The following CTNNBL1 variants were observed in gnomAD, a reference collection of about 807,000 sequenced individuals.
CTNNBL1 encodes the protein catenin beta like 1.
CTNNBL1 carries 31 observed loss-of-function variants against 72.7 expected under a neutral mutation model. The ratio of observed to expected loss-of-function variants is 0.43; its 90% confidence interval spans 0.32 to 0.58. The LOEUF (loss-of-function observed/expected upper bound fraction) is 0.58, where lower values mean the gene tolerates loss of function less well. Among genes scored for constraint, CTNNBL1 ranks in the 20% least tolerant of loss-of-function variants. CTNNBL1 has a pLI of 0.08. For synonymous variants in CTNNBL1, 240 were observed against 267.3 expected (o/e 0.90, Z 1.00); for missense variants, 534 against 725.1 (o/e 0.74, Z 3.03).
chr20:37,700,837 T>C lies in CTNNBL1; in HGVS notation c.30+6685T>C, dbSNP rs148805659. On this transcript the variant is annotated intron_variant, in intron 1 of 15. Transcript: ENST00000361383. Reference sequence around the variant, plus strand: ...ATTCTTTTTGAGGCAAATTTGAGGCTAAGGGACCCTTGGTTTTGGTGATAT... The same window carrying C: ...ATTCTTTTTGAGGCAAATTTGAGGCCAAGGGACCCTTGGTTTTGGTGATAT... 4.5e-3 allele frequency among the ~76,000 whole-genome samples: 691 copies of C among 152,336 alleles called. 9 individuals are homozygous for C. The highest frequency in any genetic ancestry group is 0.017 in the East Asian group (88 of 5,188).
At chr20:37,870,411 A>G (rs1296537057) in intron 15 of CTNNBL1, among the ~76,000 whole-genome samples, 1 of 151,552 alleles carries the variant, frequency 6.6e-6, no homozygotes, top group Non-Finnish European at 1.5e-5. Flanking sequence ...TGGCACCAGC[A>G]CCTGTGCCCC....
chr20:37,829,865 C>T (rs1165664925), intron 11 of CTNNBL1, among the ~76,000 whole-genome samples: 1 of 152,114 alleles, frequency 6.6e-6, no homozygotes, highest in East Asian at 1.9e-4. Flanking sequence ...AGGGTCTTGC[C>T]CTGTCACCCA....
chr20:37,731,161 T>C (rs759273232), intron 1 of CTNNBL1, among the ~76,000 whole-genome samples: 11 of 152,206 alleles, frequency 7.2e-5, no homozygotes, highest in Non-Finnish European at 1.3e-4. Flanking sequence ...TTTTTAAATG[T>C]ACAGTTCATT....
At chr20:37,805,757 T>C (rs927949679) in intron 11 of CTNNBL1, among the ~76,000 whole-genome samples, 4 of 152,176 alleles carry the variant, frequency 2.6e-5, no homozygotes, top group Non-Finnish European at 5.9e-5. Flanking sequence ...TAGACTAGGA[T>C]AGAATCTTCT....
intron 10 of CTNNBL1, among the ~76,000 whole-genome samples, chr20:37,800,105 C>T (rs560958995): frequency 1.3e-5 from 2 of 152,284 alleles, no homozygotes; most frequent in South Asian, 2.1e-4. Context: ...AAAGACTGTC[C>T]AAAGGGGATA....
chr20:37,718,003 ACTT>A (rs1412513763), intron 1 of CTNNBL1, among the ~76,000 whole-genome samples: 4 of 148,078 alleles, frequency 2.7e-5, no homozygotes, highest in Non-Finnish European at 6.0e-5. Flanking sequence ...TCCCATGTCT[ACTT>A]CTTTCTACAC....
At chr20:37,798,743 G>A (rs1003994298) in intron 10 of CTNNBL1, among the ~76,000 whole-genome samples, 1 of 152,148 alleles carries the variant, frequency 6.6e-6, no homozygotes, top group African/African-American at 2.4e-5. Context: ...AGAGTCTTTT[G>A]AATTGTATTT....
intron 10 of CTNNBL1, among the ~76,000 whole-genome samples, chr20:37,791,065 T>A (rs1241652729): frequency 6.6e-6 from 1 of 152,224 alleles, no homozygotes. Context: ...TATTTTGAGA[T>A]TCGTCCATGT....
intron 3 of CTNNBL1, among the ~76,000 whole-genome samples, chr20:37,745,323 T>A (rs1157687957): frequency 1.3e-5 from 2 of 152,138 alleles, no homozygotes; most frequent in African/African-American, 4.8e-5. Flanking sequence ...GTGTTCCTTT[T>A]CTTTGTGCCC....
chr20:37,767,300 AC>A lies in CTNNBL1; in HGVS notation c.659-652del, dbSNP rs537276051. The stretch of plus-strand genomic sequence containing the variant: ...TTTTTCGTATCATAGTCATGCAATA[AC>A]TTTTTTTTCCTCCTAATTTTTAATT... On this transcript the variant is annotated intron_variant, in intron 6 of 15. Transcript: ENST00000361383. Among the ~76,000 whole-genome samples the A allele has an allele frequency of 7.5e-3, 1,145 of 152,272 alleles. 10 individuals carry two copies. The highest frequency in any genetic ancestry group is 0.026 in the African/African-American group (1,067 of 41,556).
intron 1 of CTNNBL1, among the ~76,000 whole-genome samples, chr20:37,730,204 T>C (rs2122593432): frequency 6.6e-6 from 1 of 152,330 alleles, no homozygotes; most frequent in East Asian, 1.9e-4. Context: ...TTTTCTCTTA[T>C]TACCAAACAA....
At chr20:37,831,045 G>A (rs1321284103) in intron 11 of CTNNBL1, among the ~76,000 whole-genome samples, 4 of 152,128 alleles carry the variant, frequency 2.6e-5, no homozygotes, top group Non-Finnish European at 4.4e-5. Context: ...CAAAAACTAA[G>A]TGTGCCCATA....
At chr20:37,714,696 T>C (rs984119634) in intron 1 of CTNNBL1, among the ~76,000 whole-genome samples, 2 of 152,208 alleles carry the variant, frequency 1.3e-5, no homozygotes, top group African/African-American at 2.4e-5. Context: ...CCCAGCCTTA[T>C]AGGCAAAAAA....
chr20:37,843,606 C>G (rs1453534766), intron 13 of CTNNBL1, among the ~76,000 whole-genome samples: 1 of 152,202 alleles, frequency 6.6e-6, no homozygotes, highest in Non-Finnish European at 1.5e-5. Flanking sequence ...ATCTAGAAGA[C>G]CAGTCAGTCA....
intron 3 of CTNNBL1, among the ~76,000 whole-genome samples, chr20:37,738,396 A>G (rs961431077): frequency 2.0e-5 from 3 of 152,256 alleles, no homozygotes; most frequent in Non-Finnish European, 4.4e-5. Flanking sequence ...GAGTTTTACT[A>G]CACTGGCACC....
intron 10 of CTNNBL1, among the ~76,000 whole-genome samples, chr20:37,788,625 C>G (rs182840968): frequency 6.6e-6 from 1 of 152,368 alleles, no homozygotes; most frequent in African/African-American, 2.4e-5. Context: ...GGCCTGTGCC[C>G]ATGCTGGGCT....
intron 15 of CTNNBL1, among the ~76,000 whole-genome samples, chr20:37,866,189 A>T (rs942853411): frequency 6.6e-6 from 1 of 152,188 alleles, no homozygotes; most frequent in Admixed American, 6.5e-5. Context: ...TCTTAAGGAC[A>T]CCTCAAGAGC....
chr20:37,721,504 G>A (rs769199319), intron 1 of CTNNBL1, among the ~76,000 whole-genome samples: 7 of 152,244 alleles, frequency 4.6e-5, no homozygotes, highest in South Asian at 2.1e-4. Flanking sequence ...GCTAGCTTCT[G>A]GTGGTACCCC....
chr20:37,725,754 C>A (rs531965255), intron 1 of CTNNBL1, among the ~76,000 whole-genome samples: 6 of 151,828 alleles, frequency 4.0e-5, no homozygotes, highest in African/African-American at 1.4e-4. Context: ...GAGACCGAGG[C>A]AGGCTGATCA....
Sources: allele counts gnomAD v4.1 joint callset (sites outside exome capture counted in the v4.1 genomes callset), GRCh38; gene constraint gnomAD v4.1.1; transcripts MANE v1.5; gene names NCBI Gene and HGNC (gene_info 2026-07-23, HGNC 2026-07-21).